MCF2L2: variants seen among roughly 807,000 people sequenced by gnomAD.
The protein encoded by MCF2L2 is probable guanine nucleotide exchange factor MCF2L2.
Under a neutral mutation model 150.2 loss-of-function variants are expected in MCF2L2, and 102 were observed. The ratio of observed to expected loss-of-function variants is 0.68; its 90% CI spans 0.58 to 0.80. The LOEUF (loss-of-function observed/expected upper bound fraction) is 0.80, where lower values mean the gene tolerates loss of function less well. Among genes scored for constraint, MCF2L2 ranks in the 30% least tolerant of loss-of-function variants. MCF2L2 has a pLI of 0.00. For synonymous variants in MCF2L2, 465 were observed against 491.3 expected, an observed-to-expected ratio of 0.95 and a Z score of 0.71; for missense variants, 1,256 against 1,372.8, an observed-to-expected ratio of 0.91 and a Z score of 1.34.
chr3:183,280,964 G>A (rs1727440380), intron 14 of MCF2L2, among the ~76,000 whole-genome samples: 1 of 151,838 alleles, frequency 6.6e-6, no homozygotes, highest in African/African-American at 2.4e-5. Context: ...GGAGCTATTA[G>A]GCCCAATTCT....
At chr3:183,316,354 T>G (rs1317980978) in intron 7 of MCF2L2, among the ~76,000 whole-genome samples, 1 of 149,230 alleles carries the variant, frequency 6.7e-6, no homozygotes, top group East Asian at 2.0e-4. Context: ...TTTGTTTTGT[T>G]TTGTTTTTGA....
At chr3:183,415,602 T>G (rs1292095709) in intron 1 of MCF2L2, among the ~76,000 whole-genome samples, 1 of 152,248 alleles carries the variant, frequency 6.6e-6, no homozygotes, top group Non-Finnish European at 1.5e-5. Context: ...TTAAGCCTTT[T>G]ATCACTATAA....
At chr3:183,358,152 A>T (rs1711900916) in intron 3 of MCF2L2, among the ~76,000 whole-genome samples, 1 of 152,072 alleles carries the variant, frequency 6.6e-6, no homozygotes, top group Non-Finnish European at 1.5e-5. Flanking sequence ...TTATCTGGGC[A>T]TGATGGCGGG....
Position 183,270,794 on chromosome 3 carries a change from T to C in MCF2L2, c.1862+6078A>G. 6.2e-7 allele frequency: 1 copy of C among 1,614,082 alleles called. No homozygotes were observed. The highest frequency in any genetic ancestry group is 2.2e-5 in the East Asian group (1 of 44,894). On this transcript the variant is annotated intron_variant, in intron 15 of 29. Transcript: ENST00000328913. This position sits in a 1 kb window ranked among gnomAD's most constrained non-coding sequence, Gnocchi z 4.5. ...GACACTTAGAAGATCTCCAGGACCTTTGGAAGAATGCTACAGATCCTAAAG... is the reference window on the plus strand; with the variant it reads ...GACACTTAGAAGATCTCCAGGACCTCTGGAAGAATGCTACAGATCCTAAAG...
intron 15 of MCF2L2, among the ~76,000 whole-genome samples, chr3:183,250,818 T>G (rs1401287891): frequency 1.3e-5 from 2 of 152,116 alleles, no homozygotes; most frequent in Non-Finnish European, 2.9e-5. Context: ...ACACAGCAGA[T>G]CCTTTACAGC....
chr3:183,272,675 G>A, intron 15 of MCF2L2: 4 of 1,005,246 alleles, frequency 4.0e-6, no homozygotes, highest in Non-Finnish European at 4.8e-6. Flanking sequence ...TAAGTTTTCT[G>A]ACCAATTAAA....
At chr3:183,399,624 G>A (rs1026684208) in intron 1 of MCF2L2, among the ~76,000 whole-genome samples, 5 of 152,184 alleles carry the variant, frequency 3.3e-5, no homozygotes, top group African/African-American at 4.8e-5. Context: ...TTTCTACTCT[G>A]AGACCATCAG....
chr3:183,342,088 T>G (rs1319108874), intron 3 of MCF2L2, among the ~76,000 whole-genome samples: 2 of 152,168 alleles, frequency 1.3e-5, no homozygotes, highest in Admixed American at 1.3e-4. Context: ...AACACGTCAG[T>G]GGGAAAAGCA....
intron 1 of MCF2L2, among the ~76,000 whole-genome samples, chr3:183,417,577 G>A (rs908091944): frequency 6.6e-6 from 1 of 152,158 alleles, no homozygotes; most frequent in Non-Finnish European, 1.5e-5. Flanking sequence ...GGGATCACTT[G>A]CTTTCAGCCT....
chr3:183,261,484 T>C lies in MCF2L2; in HGVS notation c.1862+15388A>G, dbSNP rs73884613. Reference sequence around the variant, plus strand: ...AATAAAAGTTTAAATGTAAAAGATATAAAGGAATGAGGATATAAAGGAAAT... The same window carrying C: ...AATAAAAGTTTAAATGTAAAAGATACAAAGGAATGAGGATATAAAGGAAAT... On this transcript the variant is annotated intron_variant, in intron 15 of 29. Coordinates refer to ENST00000328913, the MANE Select transcript of MCF2L2 (RefSeq NM_015078.4). 2.5e-3 allele frequency among the ~76,000 whole-genome samples: 388 copies of C among 152,218 alleles called. 2 individuals are homozygous for C. The highest frequency in any genetic ancestry group is 9.1e-3 in the African/African-American group (379 of 41,546).
chr3:183,362,338 C>T (rs1269045100), intron 3 of MCF2L2, among the ~76,000 whole-genome samples: 1 of 152,016 alleles, frequency 6.6e-6, no homozygotes, highest in South Asian at 2.1e-4. Flanking sequence ...CTCCTGACCT[C>T]GTGATCCACC....
intron 11 of MCF2L2, 53 bp downstream of exon 11, chr3:183,299,952 C>T: frequency 6.4e-6 from 10 of 1,574,666 alleles, no homozygotes; most frequent in South Asian, 1.2e-5. Context: ...ATGATGGAAG[C>T]TTCTTCACAG....
chr3:183,185,417 G>A (rs1428342850), intron 27 of MCF2L2, among the ~76,000 whole-genome samples: 2 of 152,214 alleles, frequency 1.3e-5, no homozygotes, highest in Non-Finnish European at 2.9e-5. Flanking sequence ...AAGCCTAAGG[G>A]CTTCATCTCA....
At chr3:183,327,457 C>A (rs1478497708) in intron 5 of MCF2L2, among the ~76,000 whole-genome samples, 1 of 152,254 alleles carries the variant, frequency 6.6e-6, no homozygotes, top group African/African-American at 2.4e-5. Context: ...AAACTACAAC[C>A]TGGCACACAG....
intron 26 of MCF2L2, among the ~76,000 whole-genome samples, chr3:183,193,781 T>C (rs1560334262): frequency 6.6e-6 from 1 of 152,160 alleles, no homozygotes; most frequent in African/African-American, 2.4e-5. Context: ...ACGAATCCAG[T>C]GAATAAACAC....
Position 183,281,846 on chromosome 3 carries a change from A to C in MCF2L2, c.1777-4889T>G, listed in dbSNP as rs141187510. Reference sequence around the variant, plus strand: ...AGAAATGAATAGAGAAAGATAAGAGACTGGATCCTAAATGCAATTTTGCCT... The same window carrying C: ...AGAAATGAATAGAGAAAGATAAGAGCCTGGATCCTAAATGCAATTTTGCCT... On this transcript the variant is annotated intron_variant, in intron 14 of 29. Coordinates refer to ENST00000328913, the MANE Select transcript of MCF2L2 (RefSeq NM_015078.4). 2.9e-3 allele frequency among the ~76,000 whole-genome samples: 437 copies of C among 150,492 alleles called. 1 individual carries two copies. The highest frequency in any genetic ancestry group is 9.9e-3 in the African/African-American group (407 of 40,982).
chr3:183,274,628 T>A (rs953651226), intron 15 of MCF2L2, among the ~76,000 whole-genome samples: 1 of 152,216 alleles, frequency 6.6e-6, no homozygotes, highest in Admixed American at 6.5e-5. Context: ...GGTACTAAAA[T>A]GTGATGACTT....
chr3:183,336,239 T>C (rs1577071822), intron 5 of MCF2L2, among the ~76,000 whole-genome samples: 4 of 152,200 alleles, frequency 2.6e-5, no homozygotes, highest in Admixed American at 2.6e-4. Context: ...CATATAAGTA[T>C]ATATAGAGAG....
chr3:183,270,810 G>C lies in MCF2L2; in HGVS notation c.1862+6062C>G. 1 of 1,613,990 alleles carries C rather than the reference G, an allele frequency of 6.2e-7. No individual in the cohort carries two copies. ...CCAGGACCTTTGGAAGAATGCTACA[G>C]ATCCTAAAGTAAAAACCATTTCCAA... On this transcript the variant is annotated intron_variant, in intron 15 of 29. Coordinates refer to ENST00000328913, the MANE Select transcript of MCF2L2 (RefSeq NM_015078.4). The surrounding 1 kb of genome is among the most constrained non-coding windows in gnomAD (Gnocchi z 4.5).
Sources: gnomAD v4.1 joint callset for allele counts (sites outside exome capture counted in the v4.1 genomes callset) on GRCh38, gnomAD v4.1.1 for gene constraint, Gnocchi (gnomAD v3.1) non-coding constraint, MANE v1.5 for transcripts, NCBI Gene and HGNC (gene_info 2026-07-23, HGNC 2026-07-21) for gene names.